PDE4D: variants seen among roughly 807,000 people sequenced by gnomAD.
The protein encoded by PDE4D is 3',5'-cyclic-AMP phosphodiesterase 4D.
In PDE4D, 24 loss-of-function variants were observed where a neutral mutation model predicts 87.4. That is an observed-to-expected ratio of 0.27 (90% CI 0.20 to 0.39). The LOEUF (loss-of-function observed/expected upper bound fraction) is 0.39, where lower values mean the gene tolerates loss of function less well. Among genes scored for constraint, PDE4D ranks in the 10% least tolerant of loss-of-function variants. PDE4D has a pLI of 1.00. For synonymous variants in PDE4D, 384 were observed against 383.2 expected, an observed-to-expected ratio of 1.00 and a Z score of -0.02; for missense variants, 714 against 1,041.0, an observed-to-expected ratio of 0.69 and a Z score of 4.32.
intron 1 of PDE4D, among the ~76,000 whole-genome samples, chr5:60,507,736 C>T (rs968526217): frequency 6.6e-6 from 1 of 152,124 alleles, no homozygotes; most frequent in Non-Finnish European, 1.5e-5. Flanking sequence ...ATTTGTGGTG[C>T]ACAGTTAACC....
chr5:58,997,864 C>T (rs1749590536), intron 6 of PDE4D, among the ~76,000 whole-genome samples: 1 of 152,110 alleles, frequency 6.6e-6, no homozygotes, highest in African/African-American at 2.4e-5. Context: ...AGGAAGCAAA[C>T]TAAAATAATA....
chr5:59,695,168 A>T (rs1751567110), intron 1 of PDE4D, among the ~76,000 whole-genome samples: 1 of 151,338 alleles, frequency 6.6e-6, no homozygotes, highest in East Asian at 1.9e-4. Flanking sequence ...GAACCCAAAC[A>T]TCCGGGCTTC....
intron 3 of PDE4D, among the ~76,000 whole-genome samples, chr5:59,930,717 G>C (rs1755816456): frequency 6.6e-6 from 1 of 152,130 alleles, no homozygotes; most frequent in African/African-American, 2.4e-5. Flanking sequence ...GCAGAGTAGG[G>C]GCCCCATTGC....
Position 59,330,599 on chromosome 5 carries a change from C to T in PDE4D, c.456-114631G>A, listed in dbSNP as rs535789934. On this transcript the variant is annotated intron_variant, in intron 1 of 14. Coordinates refer to ENST00000340635, the MANE Select transcript of PDE4D (RefSeq NM_001104631.2). ...TGAAGTATCTGACTTACTGGTTTGCCTCTATGTTAAAAGAGAAAACCATTT... is the reference window on the plus strand; with the variant it reads ...TGAAGTATCTGACTTACTGGTTTGCTTCTATGTTAAAAGAGAAAACCATTT... 5.9e-5 allele frequency among the ~76,000 whole-genome samples: 9 copies of T among 152,238 alleles called. No individual in the cohort carries two copies. The South Asian group carries it at 1.0e-3, about 18-fold the overall frequency.
intron 1 of PDE4D, among the ~76,000 whole-genome samples, chr5:59,577,239 G>C (rs758245576): frequency 6.6e-6 from 1 of 152,058 alleles, no homozygotes; most frequent in East Asian, 1.9e-4. Context: ...CAGCATTAAC[G>C]GGCATAACGC....
intron 2 of PDE4D, among the ~76,000 whole-genome samples, chr5:60,119,970 A>T (rs985585822): frequency 6.6e-6 from 1 of 152,210 alleles, no homozygotes; most frequent in Non-Finnish European, 1.5e-5. Flanking sequence ...AGAATATGAG[A>T]AACTTCAGGA....
intron 11 of PDE4D, among the ~76,000 whole-genome samples, chr5:58,981,402 CTATAACTTAAATACTATGA>C (rs1157806260): frequency 3.9e-5 from 6 of 152,052 alleles, no homozygotes; most frequent in African/African-American, 1.4e-4. Context: ...TCCTGATAGC[CTATAACTTAAATACTATGA>C]TATAAAATAA....
chr5:59,759,797 T>A (rs1344315802), intron 1 of PDE4D, among the ~76,000 whole-genome samples: 1 of 152,176 alleles, frequency 6.6e-6, no homozygotes, highest in Non-Finnish European at 1.5e-5. Context: ...AGAAACTTGC[T>A]CCCCACCTTC....
rs376789289 is a variant in PDE4D, at chr5:59,537,925, A to C, written c.456-321957T>G. ...GTTGCTTTCACCAAACAACATGTCTACAGTAAATATATTTCCATTTTATGA... is the reference window on the plus strand; with the variant it reads ...GTTGCTTTCACCAAACAACATGTCTCCAGTAAATATATTTCCATTTTATGA... On this transcript the variant is annotated intron_variant, in intron 1 of 14. Transcript: ENST00000340635. Among the ~76,000 whole-genome samples, 18 of 152,302 alleles carry C rather than the reference A, an allele frequency of 1.2e-4. No homozygotes were observed. In the South Asian group the frequency reaches 1.9e-3, roughly 16 times the overall value.
intron 1 of PDE4D, among the ~76,000 whole-genome samples, chr5:59,308,657 G>A (rs932092008): frequency 6.6e-6 from 1 of 151,904 alleles, no homozygotes; most frequent in Non-Finnish European, 1.5e-5. Context: ...TGGTGCAGGG[G>A]GTAGGGGTTG....
Position 60,430,545 on chromosome 5 carries a change from G to T in PDE4D, c.-90+57397C>A, listed in dbSNP as rs372571725. On this transcript the variant is annotated intron_variant, in intron 1 of 16. Coordinates refer to the PDE4D transcript ENST00000502484. Reference sequence around the variant, plus strand: ...TTTTGTTTGTGTTTTGTTTTTTTTTGTTTGTTTTTTTTTTTTATTGATCAT... The same window carrying T: ...TTTTGTTTGTGTTTTGTTTTTTTTTTTTTGTTTTTTTTTTTTATTGATCAT... Among the ~76,000 whole-genome samples the T allele has an allele frequency of 6.5e-3, 761 of 116,218 alleles. 2 individuals are homozygous for T. The highest frequency in any genetic ancestry group is 0.015 in the African/African-American group (373 of 25,154). 76.2% of individuals were successfully genotyped at this position (116,218 alleles called of 152,430 possible).
At chr5:59,509,695 G>A in intron 1 of PDE4D, among the ~76,000 whole-genome samples, 1 of 149,912 alleles carries the variant, frequency 6.7e-6, no homozygotes. Flanking sequence ...CAAACTAGAA[G>A]GAAAAATACA....
At chr5:60,367,462 A>AC (rs1365650978) in intron 1 of PDE4D, among the ~76,000 whole-genome samples, 2 of 151,984 alleles carry the variant, frequency 1.3e-5, no homozygotes, top group African/African-American at 4.8e-5. Context: ...AAAAAAAAAA[A>AC]AAAATTATAC....
intron 6 of PDE4D, among the ~76,000 whole-genome samples, chr5:59,010,104 T>C (rs1337075884): frequency 3.9e-5 from 6 of 152,174 alleles, no homozygotes; most frequent in Non-Finnish European, 4.4e-5. Flanking sequence ...GGCAGGCAGA[T>C]TGCCTGAGCT....
chr5:59,863,472 C>A (rs1419755980), intron 1 of PDE4D, among the ~76,000 whole-genome samples: 1 of 152,010 alleles, frequency 6.6e-6, no homozygotes, highest in African/African-American at 2.4e-5. Context: ...CTTCAAAAAT[C>A]ATGAAATAGA....
intron 1 of PDE4D, among the ~76,000 whole-genome samples, chr5:59,467,615 C>T (rs867162132): frequency 7.2e-5 from 11 of 152,164 alleles, no homozygotes; most frequent in African/African-American, 2.4e-4. Flanking sequence ...CAGAAACATA[C>T]TATTTACCAT....
intron 1 of PDE4D, among the ~76,000 whole-genome samples, chr5:59,858,919 G>A (rs778845671): frequency 2.0e-5 from 3 of 152,056 alleles, no homozygotes; most frequent in Admixed American, 6.6e-5. Context: ...AGACTCTCAC[G>A]GAGGAACTAC....
intron 1 of PDE4D, among the ~76,000 whole-genome samples, chr5:60,406,001 C>A (rs1741494524): frequency 6.6e-6 from 1 of 151,634 alleles, no homozygotes; most frequent in Non-Finnish European, 1.5e-5. Context: ...GCTCTCTGTG[C>A]AATAGATCAT....
At chr5:59,875,388 G>A (rs973500491) in intron 1 of PDE4D, among the ~76,000 whole-genome samples, 2 of 138,230 alleles carry the variant, frequency 1.4e-5, no homozygotes, top group South Asian at 2.3e-4. Flanking sequence ...TTGAACCCAG[G>A]AGACAGAGGT....
Sources: gnomAD v4.1 joint callset for allele counts (sites outside exome capture counted in the v4.1 genomes callset) on GRCh38, gnomAD v4.1.1 for gene constraint, MANE v1.5 for transcripts, NCBI Gene and HGNC (gene_info 2026-07-23, HGNC 2026-07-21) for gene names.